The following ARHGEF3 variants were observed in gnomAD, a reference collection of about 807,000 sequenced individuals.
The protein encoded by ARHGEF3 is 59.8 kDA protein.
In ARHGEF3, 28 loss-of-function variants were observed where a neutral mutation model predicts 63.2. The observed-to-expected ratio is 0.44, with a 90% confidence interval of 0.33 to 0.61. The LOEUF (loss-of-function observed/expected upper bound fraction) is 0.61, where lower values mean the gene tolerates loss of function less well. Ranked by LOEUF, ARHGEF3 falls within the 20% of genes least tolerant of loss-of-function variation. The probability of loss-of-function intolerance (pLI) is 0.03; values close to 1 mark genes in which losing one functional copy is unlikely to be tolerated. For synonymous variants in ARHGEF3, 266 were observed against 254.2 expected (o/e 1.05, Z -0.44); for missense variants, 533 against 659.3 (o/e 0.81, Z 2.10).
chr3:57,012,904 G>A lies in ARHGEF3; in HGVS notation c.62+22184C>T, dbSNP rs546118767. Among the ~76,000 whole-genome samples the A allele has an allele frequency of 4.1e-4, 62 of 152,342 alleles. 1 individual carries two copies. Among genetic ancestry groups the A allele is most frequent in the South Asian group, 1.2e-3 (6 of 4,828 alleles). ...GGAGGGAGAAGCATGGGCAGGAACC[G>A]GGGCTGCGCACGGGCTCGCAGGCCA... On this transcript the variant is annotated intron_variant, in intron 2 of 12. Transcript: ENST00000338458.
intron 3 of ARHGEF3, among the ~76,000 whole-genome samples, chr3:56,924,758 C>A (rs747400101): frequency 6.6e-6 from 1 of 152,198 alleles, no homozygotes; most frequent in African/African-American, 2.4e-5. Flanking sequence ...TTTACTGCAA[C>A]CTGTTTTATC....
intron 1 of ARHGEF3, among the ~76,000 whole-genome samples, chr3:56,779,532 G>T (rs562776104): frequency 6.6e-6 from 1 of 151,062 alleles, no homozygotes. Context: ...TCGCTCTGTC[G>T]CGCAGGCTGG....
intron 2 of ARHGEF3, among the ~76,000 whole-genome samples, chr3:56,990,453 G>A (rs1256332675): frequency 9.2e-5 from 14 of 152,212 alleles, no homozygotes; most frequent in East Asian, 1.9e-4. Context: ...GCGTGGTGAC[G>A]TGCACGTGTA....
chr3:56,889,934 C>T (rs762839450), intron 3 of ARHGEF3, among the ~76,000 whole-genome samples: 19 of 151,952 alleles, frequency 1.3e-4, no homozygotes, highest in Non-Finnish European at 2.2e-4. Context: ...TGGTAGCGTG[C>T]GCCTGTAATC....
chr3:57,038,737 C>G (rs563536326), intron 1 of ARHGEF3, among the ~76,000 whole-genome samples: 1 of 152,282 alleles, frequency 6.6e-6, no homozygotes, highest in South Asian at 2.1e-4. Flanking sequence ...CAGCCATCGC[C>G]TCAGACCTAT....
At chr3:56,807,944 T>C (rs1395909718) in intron 4 of ARHGEF3, among the ~76,000 whole-genome samples, 18 of 151,904 alleles carry the variant, frequency 1.2e-4, no homozygotes, top group Non-Finnish European at 2.9e-5. Context: ...ACCAACATGG[T>C]GAAACCCCGT....
At chr3:56,951,674 T>A (rs995767602) in intron 3 of ARHGEF3, among the ~76,000 whole-genome samples, 1 of 152,048 alleles carries the variant, frequency 6.6e-6, no homozygotes, top group Non-Finnish European at 1.5e-5. Context: ...TGGTCCTATG[T>A]ATTTTCTCTT....
At chr3:56,978,490 A>T (rs978814010) in intron 2 of ARHGEF3, among the ~76,000 whole-genome samples, 1 of 152,220 alleles carries the variant, frequency 6.6e-6, no homozygotes, top group African/African-American at 2.4e-5. Context: ...AAACCCAATC[A>T]ATCAATAAAC....
At chr3:56,864,729 C>T (rs889458538) in intron 4 of ARHGEF3, among the ~76,000 whole-genome samples, 4 of 152,068 alleles carry the variant, frequency 2.6e-5, no homozygotes, top group African/African-American at 9.7e-5. Flanking sequence ...TCCTCAAGGA[C>T]CTTACAGTTT....
chr3:56,838,694 T>A (rs1353025493), intron 4 of ARHGEF3, among the ~76,000 whole-genome samples: 1 of 152,004 alleles, frequency 6.6e-6, no homozygotes, highest in Non-Finnish European at 1.5e-5. Context: ...GAGCTAGAAA[T>A]ACTATGACGA....
chr3:57,033,034 G>A (rs1703796407), intron 2 of ARHGEF3, among the ~76,000 whole-genome samples: 1 of 152,144 alleles, frequency 6.6e-6, no homozygotes, highest in African/African-American at 2.4e-5. Context: ...GTTCAGAGGA[G>A]GCAGAGGAAA....
At chr3:56,774,262 T>C (rs944669362) in intron 1 of ARHGEF3, among the ~76,000 whole-genome samples, 1 of 152,114 alleles carries the variant, frequency 6.6e-6, no homozygotes, top group Non-Finnish European at 1.5e-5. Context: ...ATGCAATGGC[T>C]TTCCTAAAGC....
intron 9 of ARHGEF3, among the ~76,000 whole-genome samples, chr3:56,730,368 T>C (rs1397321420): frequency 2.0e-5 from 3 of 151,660 alleles, no homozygotes; most frequent in East Asian, 1.9e-4. Flanking sequence ...GTCCACAATA[T>C]GGAAGACATT....
intron 2 of ARHGEF3, among the ~76,000 whole-genome samples, chr3:57,009,051 T>A (rs1702579339): frequency 6.6e-6 from 1 of 152,196 alleles, no homozygotes; most frequent in African/African-American, 2.4e-5. Context: ...GGAACCAGGA[T>A]GGGCCATGAG....
At chr3:56,865,777 A>C (rs1221551682) in intron 4 of ARHGEF3, among the ~76,000 whole-genome samples, 1 of 152,006 alleles carries the variant, frequency 6.6e-6, no homozygotes, top group Non-Finnish European at 1.5e-5. Flanking sequence ...AGAGCAGCAC[A>C]CTCTACAACC....
chr3:56,975,635 T>A (rs1363191562), intron 2 of ARHGEF3: 6 of 251,760 alleles, frequency 2.4e-5, no homozygotes, highest in Admixed American at 1.1e-4. Flanking sequence ...ACACAGCTAG[T>A]AGGCATCAGA....
chr3:56,948,879 A>G (rs937511540), intron 3 of ARHGEF3, among the ~76,000 whole-genome samples: 3 of 152,048 alleles, frequency 2.0e-5, no homozygotes, highest in Non-Finnish European at 2.9e-5. Context: ...AATATCCTCA[A>G]TAAAATACTG....
At chr3:57,007,969 G>C (rs1002977056) in intron 2 of ARHGEF3, among the ~76,000 whole-genome samples, 6 of 152,156 alleles carry the variant, frequency 3.9e-5, no homozygotes, top group African/African-American at 1.2e-4. Flanking sequence ...TGCTTAGCTG[G>C]GCACCTTGGG....
chr3:56,992,869 T>C (rs1367442678), intron 2 of ARHGEF3, among the ~76,000 whole-genome samples: 2 of 152,246 alleles, frequency 1.3e-5, no homozygotes, highest in Admixed American at 6.5e-5. Context: ...AGACTCACTC[T>C]GTTGCCTAGG....
Sources: allele counts gnomAD v4.1 joint callset (sites outside exome capture counted in the v4.1 genomes callset), GRCh38; gene constraint gnomAD v4.1.1; transcripts MANE v1.5; gene names NCBI Gene and HGNC (gene_info 2026-07-23, HGNC 2026-07-21).